The following TDO2 variants were observed in gnomAD, a reference collection of about 807,000 sequenced individuals.
TDO2 encodes tryptophan 2,3-dioxygenase, also known as tryptamin 2,3-dioxygenase.
In TDO2, 63 loss-of-function variants were observed where a neutral mutation model predicts 61.2. The ratio of observed to expected loss-of-function variants is 1.03; its 90% CI spans 0.84 to 1.27. The LOEUF (loss-of-function observed/expected upper bound fraction) is 1.27. TDO2 is among the 50% of genes most tolerant of loss of function. The pLI, the probability that TDO2 is intolerant of heterozygous loss-of-function variation, is 0.00. For missense variants in TDO2, 494 were observed against 469.5 expected, an observed-to-expected ratio of 1.05 and a Z score of -0.48; for synonymous variants, 183 against 164.0, an observed-to-expected ratio of 1.12 and a Z score of -0.89.
At position 155,916,242 on chromosome 4, in the gene TDO2, A is replaced by C. The variant is rs201889828; in HGVS notation, c.896+330A>C. Among the ~76,000 whole-genome samples, 10 of 133,276 alleles carry C rather than the reference A, an allele frequency of 7.5e-5. No individual in the cohort carries two copies. The East Asian group carries it at 2.2e-3, about 29-fold the overall frequency. 87.4% of individuals were successfully genotyped at this position (133,276 alleles called of 152,430 possible). A position where few individuals can be genotyped will look rare whatever the true frequency, so the allele number is the denominator to read the frequency against. ...GAGTGCAGTGGTGCAATCTCGGCTC[A>C]CTGCAAGCTCCGCCTCCCGGGTTCA... is the stretch of plus-strand genomic sequence containing the variant. On this transcript the variant is annotated intron_variant, in intron 9 of 11. Transcript: ENST00000536354.
intron 5 of TDO2, among the ~76,000 whole-genome samples, chr4:155,909,517 A>T (rs530880477): frequency 5.9e-5 from 9 of 152,296 alleles, no homozygotes; most frequent in Non-Finnish European, 1.3e-4. Flanking sequence ...AGGATGTAAC[A>T]TGCATGTCCT....
chr4:155,908,142 G>T (rs1742754267), intron 4 of TDO2, among the ~76,000 whole-genome samples: 1 of 152,090 alleles, frequency 6.6e-6, no homozygotes, highest in Non-Finnish European at 1.5e-5. Context: ...GCAGGAAGAT[G>T]GGAGCAATAA....
At chr4:155,909,533 T>C (rs1045826471) in intron 5 of TDO2, among the ~76,000 whole-genome samples, 5 of 152,116 alleles carry the variant, frequency 3.3e-5, no homozygotes, top group African/African-American at 9.6e-5. Flanking sequence ...GTCCTGAACA[T>C]GTCTGACAAA....
At chr4:155,917,351 A>G in intron 9 of TDO2, 44 bp from the exon 10 acceptor site, 1 of 1,521,986 alleles carries the variant, frequency 6.6e-7, no homozygotes, top group Non-Finnish European at 9.0e-7. Context: ...AACACACTCG[A>G]TTTACTTGAA....
At chr4:155,912,166 A>G (rs776794124) in intron 7 of TDO2, among the ~76,000 whole-genome samples, 2 of 152,188 alleles carry the variant, frequency 1.3e-5, no homozygotes, top group South Asian at 2.1e-4. Context: ...AAGTCATGCT[A>G]CTTGGGTTCC....
intron 2 of TDO2, among the ~76,000 whole-genome samples, chr4:155,904,349 G>T (rs933337889): frequency 1.3e-5 from 2 of 152,206 alleles, no homozygotes; most frequent in Admixed American, 6.5e-5. Context: ...TAAGAGCAGA[G>T]AATCCAGAAT....
Position 155,908,006 on chromosome 4 carries a change from T to C in TDO2, c.303+214T>C, listed in dbSNP as rs965428520. Among the ~76,000 whole-genome samples the C allele has an allele frequency of 2.0e-5, 3 of 152,226 alleles. No individual in the cohort carries two copies. In the East Asian group the frequency reaches 5.8e-4, roughly 29 times the overall value. ...CTTTAAGGTTCCTTTCAAATTTCAG[T>C]TTCAAGTCCCTTGTTTAGAACTCAT... is the stretch of plus-strand genomic sequence containing the variant. On this transcript the variant is annotated intron_variant, in intron 4 of 11. Coordinates refer to ENST00000536354, the MANE Select transcript of TDO2 (RefSeq NM_005651.4).
intron 8 of TDO2, among the ~76,000 whole-genome samples, chr4:155,914,822 A>G (rs941159697): frequency 2.6e-5 from 4 of 152,162 alleles, no homozygotes; most frequent in Non-Finnish European, 4.4e-5. Context: ...ATGTCGCCCC[A>G]TTGTTTTAGA....
At position 155,916,263 on chromosome 4, in the gene TDO2, G is replaced by T. The variant is rs565177849; in HGVS notation, c.896+351G>T. Among the ~76,000 whole-genome samples the T allele has an allele frequency of 5.9e-3, 851 of 143,616 alleles. 11 individuals are homozygous for T. The highest frequency in any genetic ancestry group is 0.021 in the African/African-American group (824 of 38,766). 94.2% of individuals were successfully genotyped at this position (143,616 alleles called of 152,430 possible). On this transcript the variant is annotated intron_variant, in intron 9 of 11. Transcript: ENST00000536354. Reference sequence around the variant, plus strand: ...GCTCACTGCAAGCTCCGCCTCCCGGGTTCACGCCACTCTCCTGCCTCAGCC... The same window carrying T: ...GCTCACTGCAAGCTCCGCCTCCCGGTTTCACGCCACTCTCCTGCCTCAGCC...
intron 2 of TDO2, 28 bp from the exon 3 acceptor site, chr4:155,905,039 A>C (rs775794357): frequency 2.0e-6 from 3 of 1,517,302 alleles, no homozygotes; most frequent in Non-Finnish European, 1.8e-6. Flanking sequence ...CTGCAATTTC[A>C]GACAGGCTTT....
chr4:155,917,661 T>G (rs1384856611), intron 10 of TDO2, among the ~76,000 whole-genome samples, 187 bp downstream of exon 10: 1 of 152,098 alleles, frequency 6.6e-6, no homozygotes, highest in Non-Finnish European at 1.5e-5. Context: ...ATATACACAC[T>G]AGGCACAGTA....
intron 1 of TDO2, 30 bp from the exon 2 acceptor site, chr4:155,903,987 AT>A (rs779307480): frequency 6.3e-7 from 1 of 1,592,590 alleles, no homozygotes; most frequent in Admixed American, 1.7e-5. Context: ...CTAAAGCACT[AT>A]TTTTCCCTCT....
chr4:155,913,349 T>C (rs890427994), intron 7 of TDO2, among the ~76,000 whole-genome samples: 20 of 152,140 alleles, frequency 1.3e-4, no homozygotes, highest in Non-Finnish European at 1.9e-4. Context: ...CTAAGTTTAG[T>C]TCTTTGGATT....
chr4:155,913,379 T>C (rs1417692868), intron 7 of TDO2, among the ~76,000 whole-genome samples: 1 of 152,134 alleles, frequency 6.6e-6, no homozygotes, highest in Non-Finnish European at 1.5e-5. Flanking sequence ...GGAGTCCTTT[T>C]ATGTGTTCTT....
At chr4:155,910,291 C>T (rs186649136) in intron 6 of TDO2, 80 bp downstream of exon 6, 28 of 1,118,598 alleles carry the variant, frequency 2.5e-5, no homozygotes, top group Admixed American at 8.9e-5. Flanking sequence ...ATTTTAAAAA[C>T]GTATATCGAA....
intron 7 of TDO2, among the ~76,000 whole-genome samples, chr4:155,914,049 T>G (rs1239708083): frequency 6.6e-6 from 1 of 152,084 alleles, no homozygotes; most frequent in African/African-American, 2.4e-5. Flanking sequence ...ATCTCCAATT[T>G]TGTCCATCTG....
intron 7 of TDO2, among the ~76,000 whole-genome samples, chr4:155,912,843 C>G (rs1245904584): frequency 6.6e-6 from 1 of 152,092 alleles, no homozygotes; most frequent in African/African-American, 2.4e-5. Flanking sequence ...ACCAATAAAA[C>G]CAAACTTGAA....
In TDO2 at chr4:155,904,120, G is replaced by A. The variant is rs1201417951; in HGVS notation, c.138G>A (p.Leu46=). 2 of 1,611,554 alleles carry A rather than the reference G, an allele frequency of 1.2e-6. No individual in the cohort carries two copies. The highest frequency in any genetic ancestry group is 1.7e-4 in the Middle Eastern group (1 of 6,058). ...GAGGTCTTATCTATGGGAACTACCTGCATGTAAGTGGCAGGGTCCTTACAG... is the reference window on the plus strand; with the variant it reads ...GAGGTCTTATCTATGGGAACTACCTACATGTAAGTGGCAGGGTCCTTACAG... ...SKGGLIYGNY[L]HLEKVLNAQE... is the part of the protein sequence containing the mutation. Residue 46 remains leucine, a synonymous_variant, in exon 2 of 12, where the codon CTG becomes CTA. Coordinates refer to ENST00000536354, the MANE Select transcript of TDO2 (RefSeq NM_005651.4).
intron 3 of TDO2, chr4:155,906,340 A>G (rs1742718973): frequency 6.6e-6 from 1 of 152,220 alleles, no homozygotes; most frequent in South Asian, 2.1e-4. Context: ...GTTAAAAAAG[A>G]TATACATAAA....
Sources: allele counts gnomAD v4.1 joint callset (sites outside exome capture counted in the v4.1 genomes callset), GRCh38; gene constraint gnomAD v4.1.1; transcripts MANE v1.5; gene names NCBI Gene and HGNC (gene_info 2026-07-23, HGNC 2026-07-21).